The following NR6A1 variants were observed in gnomAD, a reference collection of about 807,000 sequenced individuals.
The protein encoded by NR6A1 is nuclear receptor subfamily 6 group A member 1.
In NR6A1, 7 loss-of-function variants were observed where a neutral mutation model predicts 59.1. The ratio of observed to expected loss-of-function variants is 0.12; its 90% CI spans 0.07 to 0.22. The LOEUF (loss-of-function observed/expected upper bound fraction) is 0.22, where lower values mean the gene tolerates loss of function less well. NR6A1 is among the 10% of genes least tolerant of loss of function. NR6A1 has a pLI of 1.00. For synonymous variants in NR6A1, 243 were observed against 236.1 expected (o/e 1.03, Z -0.27); for missense variants, 468 against 611.6 (o/e 0.77, Z 2.48).
intron 2 of NR6A1, among the ~76,000 whole-genome samples, chr9:124,636,353 G>A (rs974753110): frequency 6.6e-6 from 1 of 151,896 alleles, no homozygotes; most frequent in African/African-American, 2.4e-5. Flanking sequence ...TTTTCCCCCA[G>A]TCTGTGGCTT....
intron 1 of NR6A1, among the ~76,000 whole-genome samples, chr9:124,737,913 G>C (rs1194767554): frequency 6.6e-6 from 1 of 151,560 alleles, no homozygotes; most frequent in African/African-American, 2.4e-5. Context: ...TGAGGTCAGG[G>C]GTCCTAGACC....
intron 2 of NR6A1, among the ~76,000 whole-genome samples, chr9:124,596,454 T>C (rs1299755373): frequency 6.6e-6 from 1 of 152,222 alleles, no homozygotes; most frequent in Admixed American, 6.5e-5. Flanking sequence ...TTCATTTCCA[T>C]GCTCTGGTTA....
At chr9:124,706,492 GT>G (rs1404128126) in intron 2 of NR6A1, among the ~76,000 whole-genome samples, 1 of 151,990 alleles carries the variant, frequency 6.6e-6, no homozygotes, top group African/African-American at 2.4e-5. Context: ...TTGAAGAACA[GT>G]TTTGCTAGAT....
intron 1 of NR6A1, among the ~76,000 whole-genome samples, chr9:124,751,151 T>C (rs1840488778): frequency 6.6e-6 from 1 of 152,186 alleles, no homozygotes; most frequent in Non-Finnish European, 1.5e-5. Context: ...ACACAATAAA[T>C]TTCAGCTCAA....
intron 2 of NR6A1, among the ~76,000 whole-genome samples, chr9:124,628,880 G>A (rs751198074): frequency 3.7e-4 from 56 of 151,838 alleles, no homozygotes; most frequent in South Asian, 8.3e-4. Context: ...GGCTGGTCTC[G>A]AACTCCCGAG....
chr9:124,530,411 G>A (rs1309272201), intron 7 of NR6A1, among the ~76,000 whole-genome samples: 7 of 152,130 alleles, frequency 4.6e-5, no homozygotes, highest in Admixed American at 1.3e-4. Context: ...GCCTGCAGCC[G>A]TGCCTCCTCC....
chr9:124,679,994 T>C (rs567668647), intron 2 of NR6A1, among the ~76,000 whole-genome samples: 11 of 151,758 alleles, frequency 7.2e-5, no homozygotes, highest in African/African-American at 2.4e-4. Context: ...GACAAGATTA[T>C]AGGGTGATTA....
intron 2 of NR6A1, among the ~76,000 whole-genome samples, chr9:124,592,104 T>G (rs1486075984): frequency 2.0e-5 from 3 of 152,176 alleles, no homozygotes; most frequent in African/African-American, 7.2e-5. Flanking sequence ...CTGATATCCT[T>G]TTGTTCTCCC....
At chr9:124,747,107 T>A (rs189177081) in intron 1 of NR6A1, among the ~76,000 whole-genome samples, 216 of 152,136 alleles carry the variant, frequency 1.4e-3, no homozygotes, top group Non-Finnish European at 2.4e-3. Context: ...ACATATCTTT[T>A]GGATGTCCTT....
At chr9:124,703,573 G>GC (rs1372722624) in intron 2 of NR6A1, among the ~76,000 whole-genome samples, 5 of 152,058 alleles carry the variant, frequency 3.3e-5, no homozygotes, top group African/African-American at 1.2e-4. Flanking sequence ...GTTAATACAA[G>GC]CCTGTATTCC....
At chr9:124,527,852 C>G (rs1258586427) in intron 7 of NR6A1, among the ~76,000 whole-genome samples, 1 of 152,162 alleles carries the variant, frequency 6.6e-6, no homozygotes, top group Admixed American at 6.5e-5. Context: ...TACTTCATAC[C>G]AGAGATGGAG....
chr9:124,543,736 G>A, intron 4 of NR6A1, 66 bp downstream of exon 4: 1 of 1,311,158 alleles, frequency 7.6e-7, no homozygotes, highest in Admixed American at 2.2e-5. Flanking sequence ...AAGGTGAGCA[G>A]TTTCAGGAAC....
chr9:124,705,937 G>A (rs12353041), intron 2 of NR6A1, among the ~76,000 whole-genome samples: 3,685 of 152,070 alleles, frequency 0.024, 207 homozygotes, highest in Admixed American at 0.14. Context: ...GACCATGCCC[G>A]TCTAATTTTT....
intron 2 of NR6A1, among the ~76,000 whole-genome samples, chr9:124,694,654 G>A (rs1473998378): frequency 1.3e-5 from 2 of 152,126 alleles, no homozygotes; most frequent in South Asian, 4.1e-4. Flanking sequence ...CCATGTTAAA[G>A]AAAGAAAAAC....
intron 3 of NR6A1, among the ~76,000 whole-genome samples, chr9:124,544,827 G>A (rs930537635): frequency 2.6e-5 from 4 of 152,176 alleles, no homozygotes; most frequent in African/African-American, 9.7e-5. Context: ...TAGCTAAGGA[G>A]CTTGAGGACA....
intron 2 of NR6A1, among the ~76,000 whole-genome samples, chr9:124,633,865 T>C (rs188525013): frequency 4.6e-5 from 7 of 152,282 alleles, no homozygotes; most frequent in Admixed American, 3.3e-4. Context: ...TCAGAGAGAG[T>C]TGGTTGTTTT....
At chr9:124,698,678 G>A (rs1838841786) in intron 2 of NR6A1, 1 of 151,974 alleles carries the variant, frequency 6.6e-6, no homozygotes, top group Admixed American at 6.6e-5. Context: ...GTAATTTCTA[G>A]CACAATTATA....
chr9:124,634,656 C>T (rs539431513), intron 2 of NR6A1, among the ~76,000 whole-genome samples: 1 of 152,312 alleles, frequency 6.6e-6, no homozygotes, highest in South Asian at 2.1e-4. Context: ...CCCGTCTCTA[C>T]TAAAAATACA....
intron 2 of NR6A1, among the ~76,000 whole-genome samples, chr9:124,709,167 C>A (rs1182172867): frequency 6.6e-6 from 1 of 152,198 alleles, no homozygotes; most frequent in Non-Finnish European, 1.5e-5. Context: ...TGTCCTGGCT[C>A]AAATACCAGA....
Sources: gnomAD v4.1 joint callset for allele counts (sites outside exome capture counted in the v4.1 genomes callset) on GRCh38, gnomAD v4.1.1 for gene constraint, MANE v1.5 for transcripts, NCBI Gene and HGNC (gene_info 2026-07-23, HGNC 2026-07-21) for gene names.